Variants in MSRB3 observed in about 807,000 individuals in gnomAD.
The protein encoded by MSRB3 is methionine sulfoxide reductase B3.
Under a neutral mutation model 21.0 loss-of-function variants are expected in MSRB3, and 13 were observed. That is an observed-to-expected ratio of 0.62 (90% CI 0.40 to 0.98). The LOEUF (loss-of-function observed/expected upper bound fraction) is 0.98. Ranked by LOEUF, MSRB3 falls within the 50% of genes least tolerant of loss-of-function variation. MSRB3 has a pLI of 0.00. For synonymous variants in MSRB3, 87 were observed against 88.6 expected (o/e 0.98, Z 0.10); for missense variants, 199 against 230.3 (o/e 0.86, Z 0.88).
intron 5 of MSRB3, among the ~76,000 whole-genome samples, chr12:65,375,386 T>C (rs1036607142): frequency 6.6e-6 from 1 of 152,218 alleles, no homozygotes; most frequent in Non-Finnish European, 1.5e-5. Flanking sequence ...ATTTAAAAGC[T>C]ATGAATTTCC....
intron 5 of MSRB3, among the ~76,000 whole-genome samples, chr12:65,375,163 T>C (rs1320035046): frequency 6.6e-6 from 1 of 152,100 alleles, no homozygotes; most frequent in Non-Finnish European, 1.5e-5. Context: ...TCTTTCTTGA[T>C]TGAATAGAAT....
chr12:65,289,415 A>G (rs1872559480), intron 1 of MSRB3, among the ~76,000 whole-genome samples: 1 of 152,052 alleles, frequency 6.6e-6, no homozygotes. Flanking sequence ...AATTGCTTGA[A>G]CCGGGAGGCA....
chr12:65,332,125 C>G (rs1038670733), intron 4 of MSRB3, among the ~76,000 whole-genome samples: 3 of 152,146 alleles, frequency 2.0e-5, no homozygotes, highest in African/African-American at 4.8e-5. Context: ...GCGAGAGGCT[C>G]TAACTTTATT....
intron 5 of MSRB3, among the ~76,000 whole-genome samples, chr12:65,435,856 G>C (rs1203938458): frequency 2.0e-5 from 3 of 151,706 alleles, no homozygotes; most frequent in Non-Finnish European, 4.4e-5. Context: ...ATATGTATTT[G>C]GATTAATTTT....
intron 4 of MSRB3, among the ~76,000 whole-genome samples, chr12:65,347,242 G>C (rs1475743429): frequency 6.6e-6 from 1 of 152,082 alleles, no homozygotes; most frequent in Admixed American, 6.6e-5. Flanking sequence ...CCATTTGTTT[G>C]TATCCTCTTT....
At chr12:65,347,179 A>G (rs570556152) in intron 4 of MSRB3, among the ~76,000 whole-genome samples, 1 of 152,308 alleles carries the variant, frequency 6.6e-6, no homozygotes, top group South Asian at 2.1e-4. Flanking sequence ...CTTGGGCAGT[A>G]TGGGCATTTT....
intron 5 of MSRB3, among the ~76,000 whole-genome samples, chr12:65,453,002 C>G (rs1016579589): frequency 6.6e-6 from 1 of 152,086 alleles, no homozygotes; most frequent in African/African-American, 2.4e-5. Context: ...ATCCTATGAT[C>G]CATTTACCAT....
chr12:65,402,767 T>C (rs895061758), intron 5 of MSRB3, among the ~76,000 whole-genome samples: 2 of 152,226 alleles, frequency 1.3e-5, no homozygotes, highest in African/African-American at 4.8e-5. Flanking sequence ...CCTTTGATGT[T>C]GGTGACCTTT....
chr12:65,412,361 C>A (rs1201557862), intron 5 of MSRB3, among the ~76,000 whole-genome samples: 1 of 152,166 alleles, frequency 6.6e-6, no homozygotes, highest in Admixed American at 6.6e-5. Context: ...CTTCACCTAT[C>A]CCCTTCAGGA....
intron 4 of MSRB3, among the ~76,000 whole-genome samples, chr12:65,344,555 AT>A (rs1275684364): frequency 2.0e-5 from 3 of 151,802 alleles, no homozygotes; most frequent in Non-Finnish European, 4.4e-5. Context: ...TATGTGTATT[AT>A]TTTTTCCCAG....
rs568687323 is a variant in MSRB3, at chr12:65,289,351, C to T, written c.-52+10486C>T. On this transcript the variant is annotated intron_variant, in intron 1 of 6. Coordinates refer to ENST00000308259, the MANE Select transcript of MSRB3 (RefSeq NM_001031679.3). Reference sequence around the variant, plus strand: ...CTCTACTAAAAATACAAAAGTTAGCCGGCATGGTGGCACGTGCCTGTAGTC... The same window carrying T: ...CTCTACTAAAAATACAAAAGTTAGCTGGCATGGTGGCACGTGCCTGTAGTC... 1.6e-3 allele frequency among the ~76,000 whole-genome samples: 250 copies of T among 152,078 alleles called. 1 individual carries two copies. Among genetic ancestry groups the T allele is most frequent in the African/African-American group, 2.6e-3 (107 of 41,474 alleles).
intron 5 of MSRB3, among the ~76,000 whole-genome samples, chr12:65,387,428 G>GT (rs1170300730): frequency 6.6e-6 from 1 of 151,940 alleles, no homozygotes; most frequent in Non-Finnish European, 1.5e-5. Flanking sequence ...TATCTGATAG[G>GT]TAAAAAGTAG....
chr12:65,377,304 A>C (rs1878680590), intron 5 of MSRB3, among the ~76,000 whole-genome samples: 1 of 152,128 alleles, frequency 6.6e-6, no homozygotes, highest in African/African-American at 2.4e-5. Context: ...TTTTTGAGAC[A>C]GAGTCTTGCT....
At position 65,414,496 on chromosome 12, in the gene MSRB3, A is replaced by G. The variant is rs557433057; in HGVS notation, c.293-39232A>G. Among the ~76,000 whole-genome samples the G allele has an allele frequency of 1.4e-4, 21 of 152,308 alleles. No homozygotes were observed. The South Asian group carries it at 4.1e-3, about 30-fold the overall frequency. On this transcript the variant is annotated intron_variant, in intron 5 of 6. Transcript: ENST00000308259. ...CACAAATACTTATGATTGTGCTACA[A>G]TCACCTACCGTATTCAGTACAGCAA...
intron 2 of MSRB3, among the ~76,000 whole-genome samples, chr12:65,326,427 C>G (rs547084187): frequency 6.0e-4 from 91 of 151,820 alleles, no homozygotes; most frequent in Middle Eastern, 3.4e-3. Context: ...TGCAGACTTA[C>G]GGTTTAACAT....
At chr12:65,345,381 A>G (rs1420745631) in intron 4 of MSRB3, among the ~76,000 whole-genome samples, 10 of 152,106 alleles carry the variant, frequency 6.6e-5, no homozygotes, top group Admixed American at 5.9e-4. Context: ...CCGAATTAAA[A>G]TAAGTCAAAT....
At chr12:65,434,315 T>C (rs185576136) in intron 5 of MSRB3, among the ~76,000 whole-genome samples, 4 of 151,998 alleles carry the variant, frequency 2.6e-5, no homozygotes, top group African/African-American at 9.6e-5. Context: ...CCTATAGGAT[T>C]TGGCTGAGAT....
rs1883535059 is a variant in MSRB3, at chr12:65,465,633, T to C, written c.*2311T>C. 1 of 152,082 alleles carries C rather than the reference T, an allele frequency of 6.6e-6. No individual in the cohort carries two copies. The highest frequency in any genetic ancestry group is 1.5e-5 in the Non-Finnish European group (1 of 68,012). 9.4% of individuals were successfully genotyped at this position (152,082 alleles called of 1,614,324 possible). Reference sequence around the variant, plus strand: ...TGATTCCAGATGAGCTCTGGTCTTATCTGGATGCTCAGATAAGAGGTTTCT... The same window carrying C: ...TGATTCCAGATGAGCTCTGGTCTTACCTGGATGCTCAGATAAGAGGTTTCT... On this transcript the variant is annotated 3_prime_UTR_variant, in exon 7 of 7. Transcript: ENST00000308259.
In MSRB3 at chr12:65,347,111, A is replaced by C. The variant is rs528260236; in HGVS notation, c.263+18508A>C. On this transcript the variant is annotated intron_variant, in intron 4 of 6. Transcript: ENST00000308259. ...ATGAACTTTAAAGTAGTTTTTTCCA[A>C]TTCTGTGAAGAAAGTCATTGGTAGC... Among the ~76,000 whole-genome samples, 15 of 152,252 alleles carry C rather than the reference A, an allele frequency of 9.9e-5. No individual in the cohort carries two copies. In the South Asian group the frequency reaches 2.7e-3, roughly 27 times the overall value.
Sources: allele counts gnomAD v4.1 joint callset (sites outside exome capture counted in the v4.1 genomes callset), GRCh38; gene constraint gnomAD v4.1.1; transcripts MANE v1.5; gene names NCBI Gene and HGNC (gene_info 2026-07-23, HGNC 2026-07-21).